The following UBE2E3 variants were observed in gnomAD, a reference collection of about 807,000 sequenced individuals.
UBE2E3 encodes the protein ubiquitin conjugating enzyme E2 E3.
UBE2E3 carries 5 observed loss-of-function variants against 23.6 expected under a neutral mutation model. The ratio of observed to expected loss-of-function variants is 0.21; its 90% CI spans 0.11 to 0.44. UBE2E3 has a LOEUF of 0.44. Among genes scored for constraint, UBE2E3 ranks in the 20% least tolerant of loss-of-function variants. The pLI, the probability that UBE2E3 is intolerant of heterozygous loss-of-function variation, is 0.99. For missense variants in UBE2E3, 81 were observed against 249.8 expected, an observed-to-expected ratio of 0.32 and a Z score of 4.55; for synonymous variants, 78 against 87.5, an observed-to-expected ratio of 0.89 and a Z score of 0.60.
At chr2:181,059,560 A>T (rs1162887286) in intron 4 of UBE2E3, among the ~76,000 whole-genome samples, 1 of 151,722 alleles carries the variant, frequency 6.6e-6, no homozygotes, top group Admixed American at 6.6e-5. Flanking sequence ...TCATTTCAAC[A>T]TGTAATCCGT....
At chr2:181,048,631 C>T (rs1686740097) in intron 3 of UBE2E3, among the ~76,000 whole-genome samples, 1 of 148,216 alleles carries the variant, frequency 6.7e-6, no homozygotes, top group South Asian at 2.2e-4. Context: ...TATTTTTCTA[C>T]GTTATTTCCC....
intron 3 of UBE2E3, among the ~76,000 whole-genome samples, chr2:181,020,275 C>T (rs776442994): frequency 3.9e-5 from 6 of 152,108 alleles, no homozygotes; most frequent in Admixed American, 3.3e-4. Context: ...GTGTTTTTGA[C>T]GTCACTCTAC....
At chr2:180,994,516 G>T (rs1247448916) in intron 3 of UBE2E3, among the ~76,000 whole-genome samples, 1 of 152,120 alleles carries the variant, frequency 6.6e-6, no homozygotes, top group East Asian at 1.9e-4. Context: ...TGTGACATCA[G>T]CATGCCTAAA....
At chr2:180,989,520 T>A (rs945403496) in intron 3 of UBE2E3, among the ~76,000 whole-genome samples, 1 of 152,154 alleles carries the variant, frequency 6.6e-6, no homozygotes, top group Non-Finnish European at 1.5e-5. Context: ...ACCTAGCTAC[T>A]GTTTTTGCTT....
chr2:181,057,997 C>G (rs1484138822), intron 4 of UBE2E3, among the ~76,000 whole-genome samples, 172 bp downstream of exon 4: 1 of 151,720 alleles, frequency 6.6e-6, no homozygotes, highest in Non-Finnish European at 1.5e-5. Context: ...ACTCCTTTCA[C>G]AAATAATTTG....
At chr2:180,995,514 G>T (rs1050013060) in intron 3 of UBE2E3, among the ~76,000 whole-genome samples, 1 of 151,984 alleles carries the variant, frequency 6.6e-6, no homozygotes, top group African/African-American at 2.4e-5. Flanking sequence ...AGTTTTTGGG[G>T]GCATCAGAAG....
intron 3 of UBE2E3, among the ~76,000 whole-genome samples, chr2:181,049,836 G>C (rs568329834): frequency 3.8e-4 from 58 of 152,020 alleles, no homozygotes; most frequent in African/African-American, 1.2e-3. Context: ...CGCACACCCA[G>C]CCATTTTATT....
chr2:181,028,067 CCTTA>C (rs979303805), intron 3 of UBE2E3, among the ~76,000 whole-genome samples: 2 of 151,978 alleles, frequency 1.3e-5, no homozygotes, highest in Non-Finnish European at 2.9e-5. Context: ...TCATTCATTT[CCTTA>C]CTTCTTATAA....
chr2:181,019,298 C>T (rs770793536), intron 3 of UBE2E3, among the ~76,000 whole-genome samples: 2 of 152,206 alleles, frequency 1.3e-5, no homozygotes, highest in Non-Finnish European at 2.9e-5. Context: ...CCCTGAAATT[C>T]TTAGTTGATA....
Position 180,990,872 on chromosome 2 carries a change from A to G in UBE2E3, c.245+6779A>G, listed in dbSNP as rs141220326. 8.7e-4 allele frequency among the ~76,000 whole-genome samples: 133 copies of G among 152,256 alleles called. 1 individual carries two copies. Among genetic ancestry groups the G allele is most frequent in the Non-Finnish European group, 1.7e-3 (116 of 68,014 alleles). On this transcript the variant is annotated intron_variant, in intron 3 of 5. Coordinates refer to ENST00000410062, the MANE Select transcript of UBE2E3 (RefSeq NM_006357.4). ...TTATGACAATACACAAGTTACTTCA[A>G]TTTTTACAAGTTCACAATCCTTTAT...
intron 3 of UBE2E3, among the ~76,000 whole-genome samples, chr2:181,039,030 C>A (rs1686389405): frequency 6.6e-6 from 1 of 151,528 alleles, no homozygotes; most frequent in Non-Finnish European, 1.5e-5. Context: ...TATAAACATA[C>A]ACTTACTACC....
chr2:181,000,999 A>G (rs556086955), intron 3 of UBE2E3, among the ~76,000 whole-genome samples: 16 of 152,348 alleles, frequency 1.1e-4, no homozygotes, highest in African/African-American at 3.8e-4. Context: ...ATCAACTCAT[A>G]TCAGTAATGA....
At chr2:181,033,384 C>G (rs1444804501) in intron 3 of UBE2E3, among the ~76,000 whole-genome samples, 1 of 152,118 alleles carries the variant, frequency 6.6e-6, no homozygotes, top group Non-Finnish European at 1.5e-5. Context: ...CACACATCTA[C>G]AACTATCTGA....
chr2:181,010,251 G>A (rs544185942), intron 3 of UBE2E3, among the ~76,000 whole-genome samples: 21 of 152,164 alleles, frequency 1.4e-4, no homozygotes, highest in African/African-American at 5.1e-4. Context: ...TAAATCAGTA[G>A]GCTTAATTTC....
At chr2:180,996,610 C>T (rs976949675) in intron 3 of UBE2E3, among the ~76,000 whole-genome samples, 1 of 152,292 alleles carries the variant, frequency 6.6e-6, no homozygotes, top group Non-Finnish European at 1.5e-5. Flanking sequence ...ATGCTATGTT[C>T]TGGCCACCAA....
At chr2:181,054,964 G>A (rs1406186891) in intron 3 of UBE2E3, among the ~76,000 whole-genome samples, 1 of 151,718 alleles carries the variant, frequency 6.6e-6, no homozygotes, top group East Asian at 1.9e-4. Flanking sequence ...GAAAGAGAAA[G>A]TGTATCAAGG....
intron 3 of UBE2E3, among the ~76,000 whole-genome samples, chr2:181,043,564 T>G (rs1686578053): frequency 6.6e-6 from 1 of 152,184 alleles, no homozygotes; most frequent in African/African-American, 2.4e-5. Context: ...TAAAAAAAGT[T>G]AACACTTCTG....
At chr2:181,040,527 AG>A (rs1686455438) in intron 3 of UBE2E3, among the ~76,000 whole-genome samples, 1 of 152,216 alleles carries the variant, frequency 6.6e-6, no homozygotes. Context: ...TTATGTGGAA[AG>A]CATTATACTG....
At chr2:181,008,751 T>C (rs1454210639) in intron 3 of UBE2E3, among the ~76,000 whole-genome samples, 2 of 152,182 alleles carry the variant, frequency 1.3e-5, no homozygotes, top group East Asian at 3.9e-4. Context: ...GAGCACTGGG[T>C]GTGCCTAAGT....
Sources: allele counts gnomAD v4.1 joint callset (sites outside exome capture counted in the v4.1 genomes callset), GRCh38; gene constraint gnomAD v4.1.1; transcripts MANE v1.5; gene names NCBI Gene and HGNC (gene_info 2026-07-23, HGNC 2026-07-21).